ACOX2: variants seen among roughly 807,000 people sequenced by gnomAD.
ACOX2 encodes the protein peroxisomal acyl-coenzyme A oxidase 2.
ACOX2 carries 59 observed loss-of-function variants against 77.5 expected under a neutral mutation model. The observed-to-expected ratio is 0.76, with a 90% CI of 0.62 to 0.95. The LOEUF is 0.95. Among genes scored for constraint, ACOX2 ranks in the 40% least tolerant of loss-of-function variants. ACOX2 has a pLI of 0.00. For missense variants in ACOX2, 837 were observed against 880.4 expected, an observed-to-expected ratio of 0.95 and a Z score of 0.62; for synonymous variants, 317 against 340.1, an observed-to-expected ratio of 0.93 and a Z score of 0.75.
At chr3:58,510,889 G>A (rs2063282066) in intron 13 of ACOX2, 1 of 440,670 alleles carries the variant, frequency 2.3e-6, no homozygotes, top group African/African-American at 2.0e-5. Flanking sequence ...GCTCAAGTGG[G>A]CCCTGATTGC....
Position 58,522,639 on chromosome 3 carries a change from G to A in ACOX2, c.1527-38C>T, listed in dbSNP as rs562227222. On this transcript the variant is annotated intron_variant, in intron 11 of 14. Coordinates refer to ENST00000302819, the MANE Select transcript of ACOX2 (RefSeq NM_003500.4). The surrounding 1 kb of genome is among the most constrained non-coding windows in gnomAD (Gnocchi z 4.3). ...GCAAAAAAGGTTCAGCTTCCTGACT[G>A]AGTGGAAAAGACAACTGATGGGCTT... 8.2e-6 allele frequency: 13 copies of A among 1,585,674 alleles called. No individual in the cohort carries two copies. The African/African-American group carries it at 1.2e-4, about 15-fold the overall frequency.
chr3:58,527,389 A>G (rs2108004832), intron 9 of ACOX2, among the ~76,000 whole-genome samples: 1 of 152,110 alleles, frequency 6.6e-6, no homozygotes, highest in Admixed American at 6.5e-5. Flanking sequence ...TACAAAAATT[A>G]GCTGGGCGTG....
In ACOX2 at chr3:58,524,527, T is replaced by C. The variant is rs1460753226; in HGVS notation, c.1425A>G (p.Ala475=). 1 of 1,614,050 alleles carries C rather than the reference T, an allele frequency of 6.2e-7. No individual in the cohort carries two copies. The highest frequency in any genetic ancestry group is 8.5e-7 in the Non-Finnish European group (1 of 1,180,034). Reference sequence around the variant, plus strand: ...TGGCCAGGTCAGGTGCGGTGAGATATGCGACAGATGGAGAGAGAGATCTCT... The same window carrying C: ...TGGCCAGGTCAGGTGCGGTGAGATACGCGACAGATGGAGAGAGAGATCTCT... ...TPQRSLSPSV[A]YLTAPDLARC... The change falls in exon 11 of 15, where the codon GCA becomes GCG. Residue 475 remains alanine (A), a synonymous_variant. Coordinates refer to ENST00000302819, the MANE Select transcript of ACOX2 (RefSeq NM_003500.4). The surrounding 1 kb of genome is among the most constrained non-coding windows in gnomAD (Gnocchi z 5.5).
chr3:58,516,203 T>C (rs542469687), intron 13 of ACOX2, among the ~76,000 whole-genome samples: 4 of 152,152 alleles, frequency 2.6e-5, no homozygotes, highest in Non-Finnish European at 4.4e-5. Flanking sequence ...TTAAAAAAAA[T>C]TTTTCATCTT....
At position 58,524,946 on chromosome 3, in the gene ACOX2, A is replaced by T. The variant is rs2063384222; in HGVS notation, c.1347-341T>A. ...TTGTACAGTGACTGGGTGGAAATTA[A>T]ATTTTCTTAGCTGAAAAAAGAAGGA... On this transcript the variant is annotated intron_variant, in intron 10 of 14. Coordinates refer to ENST00000302819, the MANE Select transcript of ACOX2 (RefSeq NM_003500.4). The surrounding 1 kb of genome is among the most constrained non-coding windows in gnomAD (Gnocchi z 5.5). Among the ~76,000 whole-genome samples, 1 of 152,250 alleles carries T rather than the reference A, an allele frequency of 6.6e-6. No individual in the cohort carries two copies. The highest frequency in any genetic ancestry group is 2.1e-4 in the South Asian group (1 of 4,830).
chr3:58,508,868 T>G (rs373278690), intron 14 of ACOX2, 25 bp downstream of exon 14: 33 of 1,612,594 alleles, frequency 2.0e-5, no homozygotes, highest in Non-Finnish European at 2.7e-5. Context: ...TCTTACATAA[T>G]TTATAATGTG....
At chr3:58,532,307 A>G (rs967822564) in intron 5 of ACOX2, among the ~76,000 whole-genome samples, 2 of 151,936 alleles carry the variant, frequency 1.3e-5, no homozygotes, top group African/African-American at 4.8e-5. Flanking sequence ...CATTTTTGAC[A>G]GTGGTCATTT....
chr3:58,534,725 A>G lies in ACOX2; in HGVS notation c.161-203T>C. The G allele has an allele frequency of 7.3e-7, 1 of 1,377,666 alleles. No individual in the cohort carries two copies. Among genetic ancestry groups the G allele is most frequent in the Non-Finnish European group, 1.0e-6 (1 of 999,176 alleles). 85.3% of individuals were successfully genotyped at this position (1,377,666 alleles called of 1,614,324 possible). ...TGCAGTGGCAGAATTTTAGGACCAG[A>G]ATCCAGGTCTTCTGCTGCCTAGGAC... On this transcript the variant is annotated intron_variant, in intron 2 of 14. Transcript: ENST00000302819. This position sits in a 1 kb window ranked among gnomAD's most constrained non-coding sequence, Gnocchi z 4.8.
At chr3:58,520,206 T>A (rs1456992989) in intron 12 of ACOX2, among the ~76,000 whole-genome samples, 1 of 152,248 alleles carries the variant, frequency 6.6e-6, no homozygotes, top group African/African-American at 2.4e-5. Flanking sequence ...AAGTAGGTAC[T>A]GTTATTAGCT....
At chr3:58,530,330 T>TTG (rs1298271660) in intron 8 of ACOX2, 136 bp downstream of exon 8, 10 of 1,267,606 alleles carry the variant, frequency 7.9e-6, no homozygotes, top group Admixed American at 2.3e-5. Context: ...GATTTTGTGT[T>TTG]TGTGTGTGTG....
intron 7 of ACOX2, among the ~76,000 whole-genome samples, chr3:58,530,914 T>A (rs1298319563): frequency 1.3e-5 from 2 of 152,184 alleles, no homozygotes; most frequent in African/African-American, 4.8e-5. Context: ...CTGGCTGGTA[T>A]CTGTTGGGCG....
In ACOX2 at chr3:58,525,692, G is replaced by A. The variant is rs549373421; in HGVS notation, c.1346+774C>T. On this transcript the variant is annotated intron_variant, in intron 10 of 14. Coordinates refer to ENST00000302819, the MANE Select transcript of ACOX2 (RefSeq NM_003500.4). This position sits in a 1 kb window ranked among gnomAD's most constrained non-coding sequence, Gnocchi z 5.0. ...TGGGTGGGAGGGGATCAAATGCAAA[G>A]GCCTCCTGGACAGAAAGAAGTGTGT... is the stretch of plus-strand genomic sequence containing the variant. Among the ~76,000 whole-genome samples the A allele has an allele frequency of 1.3e-4, 20 of 152,314 alleles. No individual in the cohort carries two copies. The highest frequency in any genetic ancestry group is 4.6e-4 in the African/African-American group (19 of 41,568).
intron 13 of ACOX2, among the ~76,000 whole-genome samples, chr3:58,513,518 T>C (rs1268432230): frequency 6.6e-6 from 1 of 152,186 alleles, no homozygotes; most frequent in Non-Finnish European, 1.5e-5. Flanking sequence ...TCCATTATCA[T>C]TTTTTAACTT....
rs776378429 is a variant in ACOX2 at position 58,515,116 on chromosome 3, C to G, written c.1850+2090G>C. Among the ~76,000 whole-genome samples, 1 of 152,094 alleles carries G rather than the reference C, an allele frequency of 6.6e-6. No homozygotes were observed. Among genetic ancestry groups the G allele is most frequent in the African/African-American group, 2.4e-5 (1 of 41,408 alleles). On this transcript the variant is annotated intron_variant, in intron 13 of 14. Transcript: ENST00000302819. The surrounding 1 kb of genome is among the most constrained non-coding windows in gnomAD (Gnocchi z 4.0). ...TTGGCTCACGGCAGCCTCTGCCTCC[C>G]GGGTTCAAGCGATTCTGCCTCAGCC...
chr3:58,536,126 C>T (rs922745368), intron 1 of ACOX2, among the ~76,000 whole-genome samples: 1 of 152,090 alleles, frequency 6.6e-6, no homozygotes, highest in Non-Finnish European at 1.5e-5. Flanking sequence ...TCTCCTATGT[C>T]AACTTACTGC....
At position 58,533,856 on chromosome 3, in the gene ACOX2, C is replaced by T; in HGVS notation, c.475+138G>A. ...GGCACCCCTTCCTCAGGACCCTTGA[C>T]TGCCAGCTGCTGGAATGTTTTCTTA... On this transcript the variant is annotated intron_variant, in intron 4 of 14. Transcript: ENST00000302819. The surrounding 1 kb of genome is among the most constrained non-coding windows in gnomAD (Gnocchi z 5.6). The T allele has an allele frequency of 8.5e-7, 1 of 1,182,916 alleles. No homozygotes were observed. The highest frequency in any genetic ancestry group is 1.6e-5 in the South Asian group (1 of 64,224). The allele number at this position is 1,182,916 out of a possible 1,614,324, so 73.3% of individuals were successfully genotyped here.
In ACOX2 at chr3:58,531,599, T is replaced by C. The variant is rs2063440054; in HGVS notation, c.703+94A>G. On this transcript the variant is annotated intron_variant, in intron 6 of 14. Transcript: ENST00000302819. This position sits in a 1 kb window ranked among gnomAD's most constrained non-coding sequence, Gnocchi z 5.8. ...CTCCCTGCCCAAGGGAGACATGTCT[T>C]AGCTACTCCTGTGGCCCTCTGGGGC... The C allele has an allele frequency of 1.3e-6, 2 of 1,534,192 alleles. No homozygotes were observed. The highest frequency in any genetic ancestry group is 1.3e-5 in the South Asian group (1 of 79,024).
chr3:58,530,740 C>G, intron 7 of ACOX2, 102 bp from the exon 8 acceptor site: 1 of 1,345,984 alleles, frequency 7.4e-7, no homozygotes, highest in Non-Finnish European at 1.0e-6. Flanking sequence ...GCACCTCGCC[C>G]CTCAACCGGC....
At position 58,522,062 on chromosome 3, in the gene ACOX2, A is replaced by G. The variant is rs986142848; in HGVS notation, c.1632+434T>C. ...GGTGCTTCCTTGATTGTAGCCGTGCATGGGCAGTGGCTTCACTGTTGAGCA... is the reference window on the plus strand; with the variant it reads ...GGTGCTTCCTTGATTGTAGCCGTGCGTGGGCAGTGGCTTCACTGTTGAGCA... On this transcript the variant is annotated intron_variant, in intron 12 of 14. Transcript: ENST00000302819. The surrounding 1 kb of genome is among the most constrained non-coding windows in gnomAD (Gnocchi z 4.3). Among the ~76,000 whole-genome samples the G allele has an allele frequency of 1.4e-4, 21 of 152,194 alleles. No individual in the cohort carries two copies. Among genetic ancestry groups the G allele is most frequent in the African/African-American group, 4.8e-4 (20 of 41,444 alleles).
Sources: gnomAD v4.1 joint callset for allele counts (sites outside exome capture counted in the v4.1 genomes callset) on GRCh38, gnomAD v4.1.1 for gene constraint, Gnocchi (gnomAD v3.1) non-coding constraint, MANE v1.5 for transcripts, NCBI Gene and HGNC (gene_info 2026-07-23, HGNC 2026-07-21) for gene names.